The following SLC27A2 variants were observed in gnomAD, a reference collection of about 807,000 sequenced individuals.
SLC27A2 encodes the protein long-chain fatty acid transport protein 2.
A neutral mutation model predicts 60.0 loss-of-function variants in SLC27A2; 54 were observed. The observed-to-expected ratio is 0.90, with a 90% CI of 0.72 to 1.13. The LOEUF (loss-of-function observed/expected upper bound fraction) is 1.13, where lower values mean the gene tolerates loss of function less well. Among genes scored for constraint, SLC27A2 ranks in the 50% most tolerant of loss-of-function variants. The pLI, the probability that SLC27A2 is intolerant of heterozygous loss-of-function variation, is 0.00. For synonymous variants in SLC27A2, 297 were observed against 297.6 expected, an observed-to-expected ratio of 1.00 and a Z score of 0.02; for missense variants, 739 against 777.6, an observed-to-expected ratio of 0.95 and a Z score of 0.59.
At chr15:50,235,804 A>G in intron 9 of SLC27A2, 116 bp from the exon 10 acceptor site, 1 of 675,464 alleles carries the variant, frequency 1.5e-6, no homozygotes, top group African/African-American at 1.8e-5. Flanking sequence ...CAGCTCTCAC[A>G]TGAGCCAGGG....
At chr15:50,233,390 C>T (rs1342300326) in intron 8 of SLC27A2, among the ~76,000 whole-genome samples, 1 of 152,174 alleles carries the variant, frequency 6.6e-6, no homozygotes, top group Non-Finnish European at 1.5e-5. Context: ...TTCCTGTAGC[C>T]ACCAGTCCAA....
chr15:50,182,538 C>G lies in SLC27A2; in HGVS notation c.111C>G (p.Ala37=). Residue 37 remains alanine, a synonymous_variant, in exon 1 of 10, where the codon GCC becomes GCG. Transcript: ENST00000267842. ...ACATAGGCTACTTCTTGAAGGTGGCCGCCGTGGGCCGGAGGGTGCGCAGCT... is the reference window on the plus strand; with the variant it reads ...ACATAGGCTACTTCTTGAAGGTGGCGGCCGTGGGCCGGAGGGTGCGCAGCT... ...FQDIGYFLKV[A]AVGRRVRSYG... is the part of the protein sequence containing the mutation. The G allele has an allele frequency of 6.2e-7, 1 of 1,612,670 alleles. No homozygotes were observed.
At chr15:50,203,931 C>T (rs1484207777) in intron 3 of SLC27A2, among the ~76,000 whole-genome samples, 1 of 152,050 alleles carries the variant, frequency 6.6e-6, no homozygotes, top group Non-Finnish European at 1.5e-5. Context: ...ACACCTTGAT[C>T]GGGACTTCCC....
intron 4 of SLC27A2, among the ~76,000 whole-genome samples, chr15:50,208,803 T>C (rs2140905290): frequency 6.6e-6 from 1 of 152,368 alleles, no homozygotes; most frequent in East Asian, 1.9e-4. Context: ...CCGCATTGTA[T>C]TTGGGCCTTT....
At chr15:50,187,111 C>T (rs73409113) in intron 1 of SLC27A2, among the ~76,000 whole-genome samples, 2,375 of 152,316 alleles carry the variant, frequency 0.016, 53 homozygotes, top group East Asian at 0.1. Flanking sequence ...AATTTCAGTA[C>T]TCAATTACTC....
chr15:50,220,567 C>A (rs934760489), intron 4 of SLC27A2, among the ~76,000 whole-genome samples: 10 of 152,186 alleles, frequency 6.6e-5, no homozygotes, highest in African/African-American at 2.4e-4. Flanking sequence ...GCTTCCATTG[C>A]AAGCCTGGGA....
At chr15:50,211,428 G>A (rs2045153619) in intron 4 of SLC27A2, among the ~76,000 whole-genome samples, 1 of 152,170 alleles carries the variant, frequency 6.6e-6, no homozygotes, top group African/African-American at 2.4e-5. Context: ...ATAGGAAAAG[G>A]GGGAGAGTAT....
At chr15:50,234,106 C>T (rs1270098372) in intron 9 of SLC27A2, 108 bp downstream of exon 9, 4 of 1,097,706 alleles carry the variant, frequency 3.6e-6, no homozygotes, top group African/African-American at 1.6e-5. Context: ...AAGTTTTCAC[C>T]GCACTTTCCA....
At chr15:50,198,533 AT>A (rs2045041708) in intron 2 of SLC27A2, 1 of 152,146 alleles carries the variant, frequency 6.6e-6, no homozygotes, top group East Asian at 1.9e-4. Context: ...TCCACAGCTC[AT>A]ACAATTGACA....
intron 8 of SLC27A2, 108 bp from the exon 9 acceptor site, chr15:50,233,760 C>A: frequency 1.0e-6 from 1 of 962,514 alleles, no homozygotes; most frequent in Non-Finnish European, 1.5e-6. Context: ...TTCCAGCTAT[C>A]CAAATGAAAC....
chr15:50,189,259 C>G (rs911506221), intron 1 of SLC27A2, among the ~76,000 whole-genome samples: 1 of 151,976 alleles, frequency 6.6e-6, no homozygotes, highest in African/African-American at 2.4e-5. Context: ...GCTTACTTAC[C>G]TCTCAAAGGT....
At chr15:50,194,779 G>A (rs946845980) in intron 1 of SLC27A2, among the ~76,000 whole-genome samples, 8 of 151,896 alleles carry the variant, frequency 5.3e-5, no homozygotes, top group Admixed American at 4.6e-4. Context: ...AAGGATTAGA[G>A]AGCAACCAGA....
chr15:50,200,294 G>T (rs1368962292), intron 2 of SLC27A2, among the ~76,000 whole-genome samples: 3 of 152,020 alleles, frequency 2.0e-5, no homozygotes, highest in Non-Finnish European at 2.9e-5. Flanking sequence ...CAGGCATGGT[G>T]GTGCACACCT....
chr15:50,200,051 T>G (rs1020521093), intron 2 of SLC27A2, among the ~76,000 whole-genome samples: 2 of 152,244 alleles, frequency 1.3e-5, no homozygotes, highest in African/African-American at 4.8e-5. Flanking sequence ...TTACCAGATA[T>G]TCTCATTTAT....
rs759595719 is a variant in SLC27A2, at chr15:50,235,906, T to C, written c.1687-14T>C. 6.2e-6 allele frequency: 10 copies of C among 1,600,352 alleles called. No homozygotes were observed. In the South Asian group the frequency reaches 6.7e-5, roughly 11 times the overall value. ...AAAATGCAACCAAAATGTGGATTAT[T>C]TGATGTTTTTCAGGACACCATTGAG... On this transcript the variant is annotated splice_polypyrimidine_tract_variant and intron_variant, in intron 9 of 9. Transcript: ENST00000267842.
chr15:50,216,430 C>T (rs919130124), intron 4 of SLC27A2, among the ~76,000 whole-genome samples: 38 of 151,786 alleles, frequency 2.5e-4, no homozygotes, highest in African/African-American at 9.2e-4. Flanking sequence ...GTAGAACTAC[C>T]ATTGATCCAG....
chr15:50,197,988 A>G (rs1232141637), intron 2 of SLC27A2, among the ~76,000 whole-genome samples: 1 of 152,158 alleles, frequency 6.6e-6, no homozygotes, highest in Non-Finnish European at 1.5e-5. Flanking sequence ...TTGGCACTGA[A>G]TGGGTAGTTG....
chr15:50,198,074 A>G (rs1394623203), intron 2 of SLC27A2, among the ~76,000 whole-genome samples: 2 of 152,152 alleles, frequency 1.3e-5, no homozygotes, highest in Non-Finnish European at 2.9e-5. Context: ...TTGATTATAA[A>G]TGGAACACAG....
At chr15:50,196,110 ATATATATATATATATG>A (rs2045020642) in intron 1 of SLC27A2, among the ~76,000 whole-genome samples, 4 of 99,096 alleles carry the variant, frequency 4.0e-5, no homozygotes, top group Non-Finnish European at 8.1e-5. Flanking sequence ...ATATATATAT[ATATATATATATATATG>A]TATGTACATT....
Sources: allele counts gnomAD v4.1 joint callset (sites outside exome capture counted in the v4.1 genomes callset), GRCh38; gene constraint gnomAD v4.1.1; transcripts MANE v1.5; gene names NCBI Gene and HGNC (gene_info 2026-07-23, HGNC 2026-07-21).